Variants in CLEC16A observed in about 807,000 individuals in gnomAD.
The protein encoded by CLEC16A is protein CLEC16A.
A neutral mutation model predicts 109.5 loss-of-function variants in CLEC16A; 51 were observed. That is an observed-to-expected ratio of 0.47 (90% CI 0.37 to 0.59). The LOEUF (loss-of-function observed/expected upper bound fraction) is 0.59, where lower values mean the gene tolerates loss of function less well. Ranked by LOEUF, CLEC16A falls within the 20% of genes least tolerant of loss-of-function variation. The probability of loss-of-function intolerance (pLI) is 0.00; values close to 1 mark genes in which losing one functional copy is unlikely to be tolerated. For missense variants in CLEC16A, 1,339 were observed against 1,394.0 expected, an observed-to-expected ratio of 0.96 and a Z score of 0.63; for synonymous variants, 673 against 564.2, an observed-to-expected ratio of 1.19 and a Z score of -2.73.
At chr16:11,168,601 T>A (rs2140963128) in intron 23 of CLEC16A, among the ~76,000 whole-genome samples, 1 of 152,354 alleles carries the variant, frequency 6.6e-6, no homozygotes, top group East Asian at 1.9e-4. Context: ...AGGATGCAGC[T>A]ATTGATCCCT....
At chr16:11,026,928 C>T in intron 13 of CLEC16A, 1 of 1,060,302 alleles carries the variant, frequency 9.4e-7, no homozygotes, top group East Asian at 2.4e-5. Context: ...CCAGCGTGAG[C>T]TAGAACAGAC....
At chr16:10,990,811 A>C (rs143654018) in intron 10 of CLEC16A, among the ~76,000 whole-genome samples, 1 of 152,336 alleles carries the variant, frequency 6.6e-6, no homozygotes, top group Admixed American at 6.5e-5. Flanking sequence ...AATTAAAATC[A>C]GAAAATTGAG....
intron 4 of CLEC16A, among the ~76,000 whole-genome samples, chr16:10,969,825 C>T (rs1006528152): frequency 4.6e-5 from 7 of 152,146 alleles, no homozygotes; most frequent in East Asian, 1.9e-4. Flanking sequence ...GTCCCAGTCC[C>T]TTTCTGAACC....
rs2046401368 is a variant in CLEC16A at position 11,026,334 on chromosome 16, G to A, written c.1537+1413G>A. ...GGTTTTTAACCACTCAATTTCTTCA[G>A]TAGGCATAGGGCTTTTTAAGGTTAC... On this transcript the variant is annotated intron_variant, in intron 13 of 23. Coordinates refer to ENST00000409790, the MANE Select transcript of CLEC16A (RefSeq NM_015226.3). Among the ~76,000 whole-genome samples, 3 of 152,200 alleles carry A rather than the reference G, an allele frequency of 2.0e-5. No individual in the cohort carries two copies. The South Asian group carries it at 6.2e-4, about 31-fold the overall frequency.
chr16:10,996,823 C>G (rs1467929798), intron 10 of CLEC16A, among the ~76,000 whole-genome samples: 2 of 152,162 alleles, frequency 1.3e-5, no homozygotes, highest in African/African-American at 4.8e-5. Context: ...TGGCTTCCTG[C>G]GCTTACCTGA....
intron 21 of CLEC16A, among the ~76,000 whole-genome samples, chr16:11,125,567 C>T (rs191564762): frequency 1.1e-3 from 162 of 152,304 alleles, no homozygotes; most frequent in Middle Eastern, 3.4e-3. Flanking sequence ...TGCACATGTG[C>T]GGATATACAT....
chr16:11,143,718 G>A (rs2053939441), intron 22 of CLEC16A, among the ~76,000 whole-genome samples: 1 of 152,184 alleles, frequency 6.6e-6, no homozygotes, highest in African/African-American at 2.4e-5. Context: ...GACACCTTCT[G>A]CACTTGAAGC....
intron 18 of CLEC16A, among the ~76,000 whole-genome samples, chr16:11,057,844 C>T (rs2048286936): frequency 6.6e-6 from 1 of 152,114 alleles, no homozygotes; most frequent in Admixed American, 6.5e-5. Flanking sequence ...ACTAACTGAC[C>T]TTGGGCAGGC....
chr16:11,158,042 C>A (rs760690069), intron 22 of CLEC16A, among the ~76,000 whole-genome samples: 1 of 152,180 alleles, frequency 6.6e-6, no homozygotes, highest in Admixed American at 6.5e-5. Context: ...ACCTCCCAGC[C>A]CCCCATCTCT....
At chr16:11,034,584 CCT>C (rs948884041) in intron 13 of CLEC16A, among the ~76,000 whole-genome samples, 3 of 152,134 alleles carry the variant, frequency 2.0e-5, no homozygotes, top group Admixed American at 6.5e-5. Context: ...GCCCTCCACC[CCT>C]GTCCACGGGT....
intron 18 of CLEC16A, among the ~76,000 whole-genome samples, chr16:11,053,806 G>A (rs929088478): frequency 6.6e-6 from 1 of 152,202 alleles, no homozygotes; most frequent in Non-Finnish European, 1.5e-5. Context: ...CTGATCCACT[G>A]CTTCCCACAC....
rs1037583191 is a variant in CLEC16A at position 10,954,344 on chromosome 16, C to T, written c.81-3438C>T. 6.6e-6 allele frequency among the ~76,000 whole-genome samples: 1 copy of T among 152,164 alleles called. No homozygotes were observed. The highest frequency in any genetic ancestry group is 2.4e-5 in the African/African-American group (1 of 41,428). On this transcript the variant is annotated intron_variant, in intron 1 of 23. Transcript: ENST00000409790. This position sits in a 1 kb window ranked among gnomAD's most constrained non-coding sequence, Gnocchi z 4.2. Reference sequence around the variant, plus strand: ...TCGCAGAGAACCAGGCACGTGGGGGCTCCTAGAATCTTTTTTTCAGGACTT... The same window carrying T: ...TCGCAGAGAACCAGGCACGTGGGGGTTCCTAGAATCTTTTTTTCAGGACTT...
At chr16:11,049,200 G>T (rs1450969265) in intron 17 of CLEC16A, among the ~76,000 whole-genome samples, 1 of 152,052 alleles carries the variant, frequency 6.6e-6, no homozygotes, top group Non-Finnish European at 1.5e-5. Context: ...TAGAGACGGG[G>T]TTTCACCATG....
chr16:11,018,766 TG>T (rs2045921532), intron 11 of CLEC16A, among the ~76,000 whole-genome samples: 1 of 93,424 alleles, frequency 1.1e-5, no homozygotes, highest in Non-Finnish European at 2.2e-5. Flanking sequence ...AAAAAAAAAA[TG>T]GAGACAAGCT....
At chr16:11,072,829 G>C (rs1440950056) in intron 19 of CLEC16A, among the ~76,000 whole-genome samples, 4 of 152,206 alleles carry the variant, frequency 2.6e-5, no homozygotes, top group African/African-American at 9.7e-5. Context: ...AGGGTTCTTT[G>C]TCGGAATCCT....
chr16:11,088,449 A>G (rs2050127929), intron 19 of CLEC16A, among the ~76,000 whole-genome samples: 1 of 152,124 alleles, frequency 6.6e-6, no homozygotes, highest in South Asian at 2.1e-4. Flanking sequence ...GTGTGGGTGA[A>G]AGCCTCGTTG....
chr16:11,084,040 A>G (rs1369196946), intron 19 of CLEC16A, among the ~76,000 whole-genome samples: 1 of 152,168 alleles, frequency 6.6e-6, no homozygotes, highest in East Asian at 1.9e-4. Flanking sequence ...GGGCCCCAGC[A>G]GGACCACACT....
chr16:10,966,195 C>T (rs1224335115), intron 3 of CLEC16A, among the ~76,000 whole-genome samples: 1 of 151,834 alleles, frequency 6.6e-6, no homozygotes, highest in East Asian at 1.9e-4. Flanking sequence ...TACTATATAG[C>T]AAAAAAGAAA....
At chr16:11,126,884 C>G (rs976984880) in intron 22 of CLEC16A, 1 of 152,242 alleles carries the variant, frequency 6.6e-6, no homozygotes, top group Non-Finnish European at 1.5e-5. Context: ...GGGCTTCAAA[C>G]TTAAGTTGCA....
Sources: gnomAD v4.1 joint callset for allele counts (sites outside exome capture counted in the v4.1 genomes callset) on GRCh38, gnomAD v4.1.1 for gene constraint, Gnocchi (gnomAD v3.1) non-coding constraint, MANE v1.5 for transcripts, NCBI Gene and HGNC (gene_info 2026-07-23, HGNC 2026-07-21) for gene names.